Variants in TTLL4 observed in about 807,000 individuals in gnomAD.
TTLL4 encodes tubulin monoglutamylase TTLL4.
In TTLL4, 85 loss-of-function variants were observed where a neutral mutation model predicts 122.7. The observed-to-expected ratio is 0.69, with a 90% CI of 0.58 to 0.83. TTLL4 has a LOEUF of 0.83. Ranked by LOEUF, TTLL4 falls within the 40% of genes least tolerant of loss-of-function variation. TTLL4 has a pLI of 0.00. For synonymous variants in TTLL4, 553 were observed against 563.0 expected (o/e 0.98, Z 0.25); for missense variants, 1,363 against 1,488.6 (o/e 0.92, Z 1.39).
intron 2 of TTLL4, among the ~76,000 whole-genome samples, chr2:218,734,909 C>G (rs1164295958): frequency 6.6e-6 from 1 of 152,184 alleles, no homozygotes; most frequent in Non-Finnish European, 1.5e-5. Context: ...GTAATTGTTC[C>G]AAGCACGGTA....
chr2:218,746,692 C>G, intron 8 of TTLL4: 1 of 416,930 alleles, frequency 2.4e-6, no homozygotes. Flanking sequence ...TGCCTCCAGA[C>G]TTACTAAAGG....
intron 5 of TTLL4, 124 bp downstream of exon 5, chr2:218,740,708 A>G (rs1336258247): frequency 1.8e-6 from 2 of 1,140,284 alleles, no homozygotes; most frequent in Admixed American, 2.0e-5. Flanking sequence ...CCAAATTTTT[A>G]TGTTTGCGAC....
intron 1 of TTLL4, among the ~76,000 whole-genome samples, chr2:218,716,440 C>T (rs2106386989): frequency 6.7e-6 from 1 of 150,116 alleles, no homozygotes; most frequent in African/African-American, 2.5e-5. Context: ...CATTTTATCA[C>T]ACAGAATATT....
intron 1 of TTLL4, among the ~76,000 whole-genome samples, chr2:218,715,606 A>G (rs1042858553): frequency 6.6e-6 from 1 of 152,168 alleles, no homozygotes; most frequent in Non-Finnish European, 1.5e-5. Context: ...AGAAAAGGCT[A>G]CTGTAAAAAT....
intron 16 of TTLL4, 27 bp downstream of exon 16, chr2:218,751,833 C>A: frequency 6.3e-7 from 1 of 1,584,572 alleles, no homozygotes; most frequent in Non-Finnish European, 8.6e-7. Context: ...CCCCCCAGTG[C>A]TAGCAGAAAA....
At chr2:218,714,042 CAA>C (rs2106382593) in intron 1 of TTLL4, among the ~76,000 whole-genome samples, 1 of 152,226 alleles carries the variant, frequency 6.6e-6, no homozygotes, top group African/African-American at 2.4e-5. Flanking sequence ...CTGGAGCTCA[CAA>C]GAGAGGCCTG....
chr2:218,746,066 G>A, intron 7 of TTLL4, 89 bp from the exon 8 acceptor site: 2 of 1,494,870 alleles, frequency 1.3e-6, no homozygotes, highest in Non-Finnish European at 1.9e-6. Context: ...CCAAGTCTGG[G>A]AGCTCTGCCC....
intron 1 of TTLL4, among the ~76,000 whole-genome samples, chr2:218,726,917 G>A (rs958701543): frequency 1.3e-5 from 2 of 152,078 alleles, no homozygotes; most frequent in African/African-American, 2.4e-5. Context: ...TGATTGTCCT[G>A]CCTCAGCCTC....
In TTLL4 at chr2:218,745,197, C is replaced by CCAA. The variant is rs1288413081; in HGVS notation, c.1751_1752insAAC (p.Pro584_Pro585insThr). On this transcript the variant is annotated inframe_insertion, in exon 6 of 20. Coordinates refer to ENST00000392102, the MANE Select transcript of TTLL4 (RefSeq NM_014640.5). The stretch of plus-strand genomic sequence containing the variant: ...CATCTACAGTCTCTTTCCCAACGTT[C>CCAA]CCCCTACCATCTATTTTGGCACTCG... The CCAA allele has an allele frequency of 1.2e-6, 2 of 1,614,064 alleles. No homozygotes were observed. Among genetic ancestry groups the CCAA allele is most frequent in the Non-Finnish European group, 1.7e-6 (2 of 1,179,974 alleles).
chr2:218,733,839 A>C (rs992517328), intron 2 of TTLL4, among the ~76,000 whole-genome samples: 5 of 152,170 alleles, frequency 3.3e-5, no homozygotes, highest in African/African-American at 1.2e-4. Context: ...ATGTGGTGGG[A>C]TGTAGCAAGG....
rs143830092 is a variant in TTLL4 at position 218,749,376 on chromosome 2, C to T, written c.2724C>T (p.Asn908=). 1.2e-3 allele frequency: 1,878 copies of T among 1,614,116 alleles called. 2 individuals are homozygous for T. The highest frequency in any genetic ancestry group is 1.4e-3 in the Non-Finnish European group (1,700 of 1,180,020). Residue 908 remains asparagine (N), a synonymous_variant, in exon 14 of 20, where the codon AAC becomes AAT. Transcript: ENST00000392102. The stretch of plus-strand genomic sequence containing the variant: ...TCAAGCCCTGGGTCCTGGAAGTCAA[C>T]ATTTCCCCAAGGTAGGTGGTATTCT... The part of the protein sequence containing the change: ...ENLKPWVLEV[N]ISPSLHSSSP...
At position 218,750,104 on chromosome 2, in the gene TTLL4, A is replaced by T. The variant is rs775180659; in HGVS notation, c.2831A>T (p.Asp944Val). 1.9e-6 allele frequency: 3 copies of T among 1,614,016 alleles called. No individual in the cohort carries two copies. The highest frequency in any genetic ancestry group is 1.3e-5 in the African/African-American group (1 of 75,030). ...GGTTTTGTCCTGCCCAATGCAGAGG[A>T]TATCATTTCCAGCCCCAGCAGCTGC... ...LAGFVLPNAE[D>V]IISSPSSCSS... Residue 944 changes from aspartate to valine, a missense_variant, in exon 15 of 20, where the codon GAT becomes GTT. Physicochemically the swap from Asp to Val is radical, Grantham distance 152 (BLOSUM62 -3). This residue lies in a region of TTLL4 where 596 missense variants were observed against 655.8 expected (regional missense o/e 0.91). Coordinates refer to ENST00000392102, the MANE Select transcript of TTLL4 (RefSeq NM_014640.5).
In TTLL4 at chr2:218,740,539, C is replaced by T; in HGVS notation, c.1616C>T (p.Ser539Leu). The change falls in exon 5 of 20, where the codon TCA becomes TTA. Residue 539 changes from serine to leucine, a missense_variant. Coordinates refer to ENST00000392102, the MANE Select transcript of TTLL4 (RefSeq NM_014640.5). ...CCTCTAGGAGACTCAGAGTGCTCCTCATTAAGTGCTGTCTCCCCCAGCGAA... is the reference window on the plus strand; with the variant it reads ...CCTCTAGGAGACTCAGAGTGCTCCTTATTAAGTGCTGTCTCCCCCAGCGAA... ...EEEEGDSECS[S>L]LSAVSPSESV... 3 of 1,614,188 alleles carry T rather than the reference C, an allele frequency of 1.9e-6. No individual in the cohort carries two copies. The highest frequency in any genetic ancestry group is 2.5e-6 in the Non-Finnish European group (3 of 1,180,032).
At chr2:218,757,409 C>T (rs1299086552), downstream of TTLL4, among the ~76,000 whole-genome samples, 2 of 152,198 alleles carry the variant, frequency 1.3e-5, no homozygotes, top group African/African-American at 2.4e-5. Context: ...AGCACAGAAT[C>T]CCTGAGAAAG....
Position 218,747,596 on chromosome 2 carries a change from G to C in TTLL4, c.2250-1G>C. The C allele has an allele frequency of 6.2e-7, 1 of 1,614,054 alleles. No individual in the cohort carries two copies. Among genetic ancestry groups the C allele is most frequent in the Non-Finnish European group, 8.5e-7 (1 of 1,179,978 alleles). On this transcript the variant is annotated splice_acceptor_variant, in intron 10 of 19. Transcript: ENST00000392102. LOFTEE classifies it high-confidence loss of function. This position sits in a 1 kb window ranked among gnomAD's most constrained non-coding sequence, Gnocchi z 4.7. ...GAGAAGCTGGCCTTTGTCCTATGTA[G>C]GTATCTACACAAACCCTACCTCATC...
At chr2:218,751,554 TTAGTCCAACCTA>T in intron 15 of TTLL4, 138 bp from the exon 16 acceptor site, 1 of 1,321,672 alleles carries the variant, frequency 7.6e-7, no homozygotes, top group Admixed American at 3.5e-5. Flanking sequence ...GGAGTGCATT[TTAGTCCAACCTA>T]CTACTCAAGT....
chr2:218,712,972 C>T (rs567539177), intron 1 of TTLL4, among the ~76,000 whole-genome samples: 8 of 152,248 alleles, frequency 5.3e-5, no homozygotes, highest in African/African-American at 9.6e-5. Context: ...TTAAATGTAA[C>T]GGGAATGTCT....
At chr2:218,722,521 A>G (rs767482273) in intron 1 of TTLL4, among the ~76,000 whole-genome samples, 2 of 152,196 alleles carry the variant, frequency 1.3e-5, no homozygotes, top group Non-Finnish European at 2.9e-5. Flanking sequence ...TTGAATACTG[A>G]GTGAAAGAAC....
chr2:218,752,955 C>T lies in TTLL4; in HGVS notation c.3169C>T (p.His1057Tyr). ...ILTTQWEQKY[H>Y]GNKLKGVDLL... is the part of the protein sequence containing the mutation. ...CACCACCCAATGGGAACAGAAATAC[C>T]ATGGCAACAAGCTTAAAGGTGATGT... The change falls in exon 17 of 20, where the codon CAT becomes TAT. Residue 1057 changes from histidine to tyrosine, a missense_variant. By Grantham distance (83) the His-to-Tyr change is moderately conservative. This residue lies in a region of TTLL4 where 596 missense variants were observed against 655.8 expected (regional missense o/e 0.91). Transcript: ENST00000392102. 6.2e-7 allele frequency: 1 copy of T among 1,614,142 alleles called. No individual in the cohort carries two copies. Among genetic ancestry groups the T allele is most frequent in the Non-Finnish European group, 8.5e-7 (1 of 1,180,026 alleles).
Sources: gnomAD v4.1 joint callset for allele counts (sites outside exome capture counted in the v4.1 genomes callset) on GRCh38, gnomAD v4.1.1 for gene constraint, gnomAD v4.1.1 regional missense constraint, Gnocchi (gnomAD v3.1) non-coding constraint, MANE v1.5 for transcripts, NCBI Gene and HGNC (gene_info 2026-07-23, HGNC 2026-07-21) for gene names.